ANAPC7: variants seen among roughly 807,000 people sequenced by gnomAD.
The protein encoded by ANAPC7 is anaphase promoting complex subunit 7, also known as anaphase-promoting complex subunit 7.
A neutral mutation model predicts 63.3 loss-of-function variants in ANAPC7; 25 were observed. That is an observed-to-expected ratio of 0.39 (90% confidence interval 0.29 to 0.55). ANAPC7 has a LOEUF of 0.55. Among genes scored for constraint, ANAPC7 ranks in the 20% least tolerant of loss-of-function variants. The pLI is 0.57. For synonymous variants in ANAPC7, 241 were observed against 251.7 expected (o/e 0.96, Z 0.40); for missense variants, 516 against 691.7 (o/e 0.75, Z 2.85).
chr12:110,382,455 A>ATATATATACATATAT (rs1306028353), intron 7 of ANAPC7, among the ~76,000 whole-genome samples: 2 of 70,466 alleles, frequency 2.8e-5, no homozygotes, highest in African/African-American at 1.2e-4. Flanking sequence ...AAAAAAAAAA[A>ATATATATACATATAT]AAAAAAATAT....
Sources: allele counts gnomAD v4.1 joint callset (sites outside exome capture counted in the v4.1 genomes callset), GRCh38; gene constraint gnomAD v4.1.1; transcripts MANE v1.5; gene names NCBI Gene and HGNC (gene_info 2026-07-23, HGNC 2026-07-21).